Variants in UNC13C observed in about 807,000 individuals in gnomAD.
UNC13C encodes the protein unc-13 homolog C, also known as protein unc-13 homolog C.
A neutral mutation model predicts 245.4 loss-of-function variants in UNC13C; 174 were observed. That is an observed-to-expected ratio of 0.71 (90% CI 0.63 to 0.80). The LOEUF is 0.80. Among genes scored for constraint, UNC13C ranks in the 30% least tolerant of loss-of-function variants. The pLI is 0.00. For missense variants in UNC13C, 2,829 were observed against 2,602.9 expected (o/e 1.09, Z -1.89); for synonymous variants, 992 against 895.1 (o/e 1.11, Z -1.93).
the UNC13C span, among the ~76,000 whole-genome samples, chr15:53,907,938 C>T: frequency 6.8e-6 from 1 of 146,478 alleles, no homozygotes; most frequent in African/African-American, 2.4e-5. Flanking sequence ...TGGTTTTATT[C>T]TAGTTAGAAT....
intron 4 of UNC13C, among the ~76,000 whole-genome samples, chr15:54,177,284 T>A (rs1250677770): frequency 6.6e-6 from 1 of 152,144 alleles, no homozygotes; most frequent in Non-Finnish European, 1.5e-5. Context: ...AGGTACTGTA[T>A]GTATAGACTG....
intron 14 of UNC13C, among the ~76,000 whole-genome samples, chr15:54,331,177 T>C (rs2140993742): frequency 6.6e-6 from 1 of 152,200 alleles, no homozygotes; most frequent in South Asian, 2.1e-4. Flanking sequence ...AGAATATTAA[T>C]GTTGGCAGGG....
chr15:54,258,653 G>A (rs1454566923), intron 8 of UNC13C, among the ~76,000 whole-genome samples: 2 of 152,110 alleles, frequency 1.3e-5, no homozygotes, highest in East Asian at 1.9e-4. Context: ...ACAGATGTGA[G>A]CCACCACTCC....
chr15:54,623,921 C>T lies in UNC13C; in HGVS notation c.6326C>T (p.Thr2109Ile), dbSNP rs2141315904. 6.2e-7 allele frequency: 1 copy of T among 1,613,242 alleles called. No homozygotes were observed. Among genetic ancestry groups the T allele is most frequent in the Non-Finnish European group, 8.5e-7 (1 of 1,179,404 alleles). Residue 2109 changes from threonine (T) to isoleucine (I), a missense_variant, in exon 32 of 33, where the codon ACA (threonine) becomes ATA (isoleucine). Thr to Ile is a moderately conservative substitution (Grantham distance 89, BLOSUM62 -1). Coordinates refer to ENST00000260323, the MANE Select transcript of UNC13C (RefSeq NM_001080534.3). ...RKQGTKTKSN[T>I]WSPKYNETFQ... ...CAAGGCACAAAAACAAAAAGCAACA[C>T]ATGGTCACCAAAGTACAATGAAACA... is the stretch of plus-strand genomic sequence containing the variant.
chr15:54,562,102 A>G (rs1488391219), intron 29 of UNC13C, among the ~76,000 whole-genome samples: 1 of 152,012 alleles, frequency 6.6e-6, no homozygotes, highest in Non-Finnish European at 1.5e-5. Context: ...ATCAATATTT[A>G]AGAACCTGCT....
chr15:54,027,075 C>G (rs1012688412), intron 2 of UNC13C, among the ~76,000 whole-genome samples: 1 of 151,250 alleles, frequency 6.6e-6, no homozygotes, highest in African/African-American at 2.4e-5. Flanking sequence ...ATACATTGAG[C>G]CAGGCTAAGA....
chr15:54,245,021 G>C (rs1291170755), intron 7 of UNC13C, among the ~76,000 whole-genome samples: 2 of 152,126 alleles, frequency 1.3e-5, no homozygotes, highest in Non-Finnish European at 2.9e-5. Flanking sequence ...AGTGGTAACA[G>C]AGGGCATCCT....
At chr15:54,065,825 C>A (rs1402048416) in intron 2 of UNC13C, among the ~76,000 whole-genome samples, 1 of 152,166 alleles carries the variant, frequency 6.6e-6, no homozygotes, top group East Asian at 1.9e-4. Context: ...TGGTGAACAC[C>A]AACCTACTCT....
At chr15:54,546,623 T>C in intron 26 of UNC13C, 99 bp from the exon 27 acceptor site, 1 of 623,720 alleles carries the variant, frequency 1.6e-6, no homozygotes, top group South Asian at 4.6e-5. Context: ...TGTATAATAA[T>C]TTAGTAAATG....
intron 10 of UNC13C, among the ~76,000 whole-genome samples, chr15:54,276,463 T>A (rs74013598): frequency 0.025 from 3,840 of 152,190 alleles, 160 homozygotes; most frequent in African/African-American, 0.088. Flanking sequence ...ATATCAGTGA[T>A]CCTGACCACC....
chr15:54,402,974 G>A (rs951243743), intron 18 of UNC13C, among the ~76,000 whole-genome samples: 1 of 152,158 alleles, frequency 6.6e-6, no homozygotes, highest in Non-Finnish European at 1.5e-5. Flanking sequence ...ATAATGCACA[G>A]AAAGCACCTG....
chr15:54,554,322 G>T (rs1402913195), intron 28 of UNC13C, among the ~76,000 whole-genome samples: 1 of 152,016 alleles, frequency 6.6e-6, no homozygotes, highest in Non-Finnish European at 1.5e-5. Context: ...GCCACTGGGT[G>T]TGATTGCGTG....
intron 2 of UNC13C, among the ~76,000 whole-genome samples, chr15:54,039,829 T>G (rs1042278091): frequency 6.6e-6 from 1 of 151,866 alleles, no homozygotes; most frequent in Non-Finnish European, 1.5e-5. Context: ...CACCTTCATT[T>G]GCTTCCCTTT....
chr15:54,212,267 G>A (rs2034903419), intron 4 of UNC13C, among the ~76,000 whole-genome samples: 1 of 151,992 alleles, frequency 6.6e-6, no homozygotes, highest in Non-Finnish European at 1.5e-5. Flanking sequence ...AGGTGTTATG[G>A]ACAAACACCA....
chr15:54,628,779 CAG>C (rs1166085817), downstream of UNC13C: 5 of 151,468 alleles, frequency 3.3e-5, no homozygotes, highest in Admixed American at 2.6e-4. Flanking sequence ...CAAAAAATAA[CAG>C]ATGCTGGCGA....
At position 54,622,378 on chromosome 15, in the gene UNC13C, C is replaced by G. The variant is rs1433696094; in HGVS notation, c.6158C>G (p.Thr2053Ser). The G allele has an allele frequency of 4.3e-6, 7 of 1,613,322 alleles. No homozygotes were observed. In the Admixed American group the frequency reaches 1.2e-4, roughly 27 times the overall value. ...VGQISVHVDI[T>S]ATPGTGDHKV... ...CAGATATCTGTTCATGTGGACATCACTGCCACCCCAGGAACGGGAGATCAT... is the reference window on the plus strand; with the variant it reads ...CAGATATCTGTTCATGTGGACATCAGTGCCACCCCAGGAACGGGAGATCAT... The change falls in exon 31 of 33, where the codon ACT becomes AGT. Residue 2053 changes from threonine (T) to serine (S), a missense_variant. Physicochemically the swap from Thr to Ser is moderately conservative, Grantham distance 58 (BLOSUM62 1). Coordinates refer to ENST00000260323, the MANE Select transcript of UNC13C (RefSeq NM_001080534.3).
intron 2 of UNC13C, among the ~76,000 whole-genome samples, chr15:54,113,630 T>TCGTACCTAATA (rs1017957369): frequency 6.6e-6 from 1 of 152,028 alleles, no homozygotes; most frequent in African/African-American, 2.4e-5. Flanking sequence ...ATCAAGATCA[T>TCGTACCTAATA]CGTACCTAAT....
chr15:54,466,700 G>A (rs971507587), intron 19 of UNC13C, among the ~76,000 whole-genome samples: 4 of 151,822 alleles, frequency 2.6e-5, no homozygotes, highest in Non-Finnish European at 3.0e-5. Flanking sequence ...CCTAAGAAGC[G>A]TATCAGTGTT....
At chr15:54,246,103 C>A (rs1168362063) in intron 7 of UNC13C, among the ~76,000 whole-genome samples, 1 of 152,142 alleles carries the variant, frequency 6.6e-6, no homozygotes, top group Admixed American at 6.6e-5. Context: ...ATCTCAGGCT[C>A]TTTTTAGTTT....
Sources: gnomAD v4.1 joint callset for allele counts (sites outside exome capture counted in the v4.1 genomes callset) on GRCh38, gnomAD v4.1.1 for gene constraint, MANE v1.5 for transcripts, NCBI Gene and HGNC (gene_info 2026-07-23, HGNC 2026-07-21) for gene names.